ROBO1: variants seen among roughly 807,000 people sequenced by gnomAD.
ROBO1 encodes roundabout homolog 1.
A neutral mutation model predicts 195.9 loss-of-function variants in ROBO1; 149 were observed. The observed-to-expected ratio is 0.76, with a 90% CI of 0.67 to 0.87. The LOEUF is 0.87. Ranked by LOEUF, ROBO1 falls within the 40% of genes least tolerant of loss-of-function variation. ROBO1 has a pLI of 0.00. For missense variants in ROBO1, 1,933 were observed against 2,068.3 expected, an observed-to-expected ratio of 0.93 and a Z score of 1.27; for synonymous variants, 816 against 733.2, an observed-to-expected ratio of 1.11 and a Z score of -1.82.
At chr3:79,634,638 C>T (rs1945442694) in intron 1 of ROBO1, among the ~76,000 whole-genome samples, 1 of 151,792 alleles carries the variant, frequency 6.6e-6, no homozygotes, top group African/African-American at 2.4e-5. Context: ...TTTTTTGTGG[C>T]TTAATATTTA....
intron 3 of ROBO1, among the ~76,000 whole-genome samples, chr3:79,081,620 C>T (rs2108463669): frequency 6.6e-6 from 1 of 152,238 alleles, no homozygotes; most frequent in Non-Finnish European, 1.5e-5. Context: ...TTGGGGCTTT[C>T]CTCGGAAAAG....
At chr3:78,908,992 A>G (rs2038088205) in intron 4 of ROBO1, among the ~76,000 whole-genome samples, 1 of 151,920 alleles carries the variant, frequency 6.6e-6, no homozygotes, top group South Asian at 2.1e-4. Flanking sequence ...ATGAACATTA[A>G]GTTTGAAGCA....
chr3:78,772,935 C>A (rs1460271265), intron 4 of ROBO1, among the ~76,000 whole-genome samples: 1 of 152,030 alleles, frequency 6.6e-6, no homozygotes, highest in Non-Finnish European at 1.5e-5. Flanking sequence ...CAGTTTTAAC[C>A]ACTGAGCTGT....
chr3:79,072,638 C>A (rs1005491038), intron 3 of ROBO1, among the ~76,000 whole-genome samples: 2 of 151,852 alleles, frequency 1.3e-5, no homozygotes, highest in African/African-American at 2.4e-5. Flanking sequence ...GAACATTCTT[C>A]GCCACTCAAT....
At chr3:79,038,511 A>T (rs189774583) in intron 3 of ROBO1, among the ~76,000 whole-genome samples, 1 of 152,258 alleles carries the variant, frequency 6.6e-6, no homozygotes, top group East Asian at 1.9e-4. Flanking sequence ...TACAGAAATA[A>T]ACTTATATAA....
intron 2 of ROBO1, among the ~76,000 whole-genome samples, chr3:79,419,904 G>C (rs980004308): frequency 1.3e-5 from 2 of 151,902 alleles, no homozygotes; most frequent in African/African-American, 4.8e-5. Flanking sequence ...CGTACATAAG[G>C]TATGTATACA....
intron 2 of ROBO1, among the ~76,000 whole-genome samples, chr3:79,200,690 G>A (rs2081746263): frequency 6.6e-6 from 1 of 151,708 alleles, no homozygotes; most frequent in Non-Finnish European, 1.5e-5. Flanking sequence ...CCAGAGAATG[G>A]CACGTACTCT....
At chr3:78,792,055 G>A (rs1211130485) in intron 4 of ROBO1, among the ~76,000 whole-genome samples, 4 of 152,148 alleles carry the variant, frequency 2.6e-5, no homozygotes, top group South Asian at 2.1e-4. Context: ...CCCTCATAGG[G>A]TTTCATCTGC....
intron 2 of ROBO1, among the ~76,000 whole-genome samples, chr3:79,518,731 A>G (rs1372662879): frequency 6.6e-6 from 1 of 151,840 alleles, no homozygotes; most frequent in Non-Finnish European, 1.5e-5. Context: ...CCCAGGCTGG[A>G]GTGCAATGGT....
chr3:79,730,731 T>C (rs1304357687), intron 1 of ROBO1, among the ~76,000 whole-genome samples: 3 of 151,958 alleles, frequency 2.0e-5, no homozygotes, highest in African/African-American at 7.3e-5. Context: ...AAACAGTAAT[T>C]TGTAATCACT....
At chr3:79,022,973 A>T (rs1168391126) in intron 3 of ROBO1, among the ~76,000 whole-genome samples, 3 of 152,234 alleles carry the variant, frequency 2.0e-5, no homozygotes, top group African/African-American at 7.2e-5. Context: ...TGGAAATAAC[A>T]GAACACTCCA....
chr3:79,122,412 T>G (rs1342213822), intron 3 of ROBO1, among the ~76,000 whole-genome samples: 1 of 152,032 alleles, frequency 6.6e-6, no homozygotes, highest in Non-Finnish European at 1.5e-5. Context: ...GCATTGTTTC[T>G]AGAGATGGTA....
intron 2 of ROBO1, among the ~76,000 whole-genome samples, chr3:79,303,390 TC>T (rs1182675413): frequency 6.6e-6 from 1 of 152,104 alleles, no homozygotes; most frequent in African/African-American, 2.4e-5. Flanking sequence ...GCTCTCGAAC[TC>T]CTGACCTCAG....
At chr3:78,698,821 A>C (rs577731251) in intron 8 of ROBO1, among the ~76,000 whole-genome samples, 1 of 152,204 alleles carries the variant, frequency 6.6e-6, no homozygotes, top group Admixed American at 6.5e-5. Context: ...TATCACAGGT[A>C]CTCAGAAAAG....
chr3:79,763,049 C>G (rs10454774), intron 1 of ROBO1, among the ~76,000 whole-genome samples: 1 of 152,102 alleles, frequency 6.6e-6, no homozygotes, highest in Non-Finnish European at 1.5e-5. Context: ...GAGGATGATA[C>G]CTGTGGCTTT....
intron 2 of ROBO1, among the ~76,000 whole-genome samples, chr3:79,184,337 G>A (rs902195777): frequency 6.6e-6 from 1 of 152,124 alleles, no homozygotes. Context: ...AGGTCTTTCC[G>A]GGCTTTGAAA....
chr3:79,571,626 T>G (rs1943281214), intron 2 of ROBO1, among the ~76,000 whole-genome samples: 1 of 150,968 alleles, frequency 6.6e-6, no homozygotes, highest in Non-Finnish European at 1.5e-5. Context: ...TCAAAAAGAA[T>G]GGCATTTAGT....
intron 2 of ROBO1, among the ~76,000 whole-genome samples, chr3:79,441,313 T>G (rs951890441): frequency 6.6e-6 from 1 of 152,108 alleles, no homozygotes; most frequent in Non-Finnish European, 1.5e-5. Flanking sequence ...GAATGTTAGT[T>G]TCTTAGGTAT....
In ROBO1 at chr3:79,133,227, G is replaced by T. The variant is rs1290344285; in HGVS notation, c.89-7688C>A. Among the ~76,000 whole-genome samples, 15 of 67,172 alleles carry T rather than the reference G, an allele frequency of 2.2e-4. No homozygotes were observed. In the South Asian group the frequency reaches 4.8e-3, roughly 22 times the overall value. 44.1% of individuals were successfully genotyped at this position (67,172 alleles called of 152,430 possible). A position where few individuals can be genotyped will look rare whatever the true frequency, so the allele number is the denominator to read the frequency against. On this transcript the variant is annotated intron_variant, in intron 2 of 30. Coordinates refer to ENST00000464233, the MANE Select transcript of ROBO1 (RefSeq NM_002941.4). ...CTGTATTTCCTGAATCTGAACATTG[G>T]CCTGCCTTGCTAGATTGGGGAAGTT...
Sources: allele counts gnomAD v4.1 joint callset (sites outside exome capture counted in the v4.1 genomes callset), GRCh38; gene constraint gnomAD v4.1.1; transcripts MANE v1.5; gene names NCBI Gene and HGNC (gene_info 2026-07-23, HGNC 2026-07-21).